DLG3: variants seen among roughly 807,000 people sequenced by gnomAD.
The protein encoded by DLG3 is disks large homolog 3.
DLG3 carries 1 observed loss-of-function variant against 64.1 expected under a neutral mutation model. The observed-to-expected ratio is 0.02, with a 90% CI of 0.01 to 0.07. The LOEUF (loss-of-function observed/expected upper bound fraction) is 0.07. Ranked by LOEUF, DLG3 falls within the 10% of genes least tolerant of loss-of-function variation. The probability of loss-of-function intolerance (pLI) is 1.00; values close to 1 mark genes in which losing one functional copy is unlikely to be tolerated. For synonymous variants in DLG3, 245 were observed against 259.8 expected, an observed-to-expected ratio of 0.94 and a Z score of 0.55; for missense variants, 429 against 669.5, an observed-to-expected ratio of 0.64 and a Z score of 3.96.
intron 9 of DLG3, among the ~76,000 whole-genome samples, chrX:70,471,878 G>T (rs1310973806): frequency 9.0e-6 from 1 of 111,549 alleles, no homozygotes; most frequent in Non-Finnish European, 1.9e-5. Flanking sequence ...TAGTAGAGCA[G>T]CTTCCCGGTC....
rs770648268 is a variant in DLG3, at chrX:70,473,596, T to C, written c.1406-5554T>C. The stretch of plus-strand genomic sequence containing the variant: ...GTAGACATTCAGTAATTTTTTTTTA[T>C]TTTTTTTTATTTTTAGAGACAGCAT... On this transcript the variant is annotated intron_variant, in intron 9 of 18. Transcript: ENST00000374360. Among the ~76,000 whole-genome samples the C allele has an allele frequency of 4.5e-5, 5 of 110,130 alleles. No homozygotes were observed. In the Admixed American group the frequency reaches 4.9e-4, roughly 11 times the overall value.
chrX:70,471,229 GAGCACT>G (rs1388619797), intron 9 of DLG3, among the ~76,000 whole-genome samples: 8 of 111,326 alleles, frequency 7.2e-5, no homozygotes, highest in Non-Finnish European at 9.4e-5. Flanking sequence ...CACTAATTCT[GAGCACT>G]AGATTTTAAA....
chrX:70,494,729 C>T lies in DLG3; in HGVS notation c.1774-679C>T, dbSNP rs1402308826. On this transcript the variant is annotated intron_variant, in intron 12 of 18. Transcript: ENST00000374360. ...TTGCTCAGTGGTCCCGCCTGGTGGG[C>T]GAGGGGGTATCTACTGGATGACAGA... 2.7e-5 allele frequency among the ~76,000 whole-genome samples: 3 copies of T among 112,079 alleles called. No homozygotes were observed. The South Asian group carries it at 1.1e-3, about 42-fold the overall frequency.
rs1244551224 is a variant in DLG3 at position 70,452,536 on chromosome X, G to C, written c.1145+510G>C. On this transcript the variant is annotated intron_variant, in intron 7 of 18. Coordinates refer to ENST00000374360, the MANE Select transcript of DLG3 (RefSeq NM_021120.4). ...GGGCCGGCTGGGGTTCCGGGGGACA[G>C]GTTTGCAGGGTGGGGCCCGAGAGGC... The C allele has an allele frequency of 8.6e-6, 10 of 1,160,800 alleles. No homozygotes were observed. In the South Asian group the frequency reaches 1.4e-4, roughly 16 times the overall value.
At chrX:70,460,455 G>C (rs1274957782) in intron 9 of DLG3, among the ~76,000 whole-genome samples, 1 of 112,006 alleles carries the variant, frequency 8.9e-6, no homozygotes, top group Non-Finnish European at 1.9e-5. Context: ...TGATACTGTT[G>C]GGGGAACCCC....
chrX:70,474,735 GACA>G (rs1471573685), intron 9 of DLG3, among the ~76,000 whole-genome samples: 1 of 111,711 alleles, frequency 9.0e-6, no homozygotes, highest in Non-Finnish European at 1.9e-5. Context: ...TTATAATGCA[GACA>G]ACATTTTAGC....
intron 9 of DLG3, among the ~76,000 whole-genome samples, chrX:70,461,787 T>C (rs944996546): frequency 3.2e-4 from 36 of 111,408 alleles, no homozygotes; most frequent in Non-Finnish European, 4.7e-4. Flanking sequence ...CTTGAACTCC[T>C]GACCTCAGGT....
chrX:70,490,504 A>AG (rs1342317928), intron 10 of DLG3, among the ~76,000 whole-genome samples: 2 of 111,851 alleles, frequency 1.8e-5, no homozygotes, highest in African/African-American at 6.5e-5. Context: ...GTGTAAATTG[A>AG]GGGGAAAAAA....
chrX:70,466,247 TTGTGTGTGTGTGTG>T lies in DLG3; in HGVS notation c.1405+11966_1405+11979del, dbSNP rs61083333. ...TTGTGTGCAAGTGTTTCTTGGTCATTTGTGTGTGTGTGTGTGTGTGTGTGTGTGTGTGTGTGTGT... is the reference window on the plus strand; with the variant it reads ...TTGTGTGCAAGTGTTTCTTGGTCATTTGTGTGTGTGTGTGTGTGTGTGTGT... On this transcript the variant is annotated intron_variant, in intron 9 of 18. Transcript: ENST00000374360. 3.4e-3 allele frequency among the ~76,000 whole-genome samples: 287 copies of T among 84,409 alleles called. 1 individual carries two copies. The highest frequency in any genetic ancestry group is 5.2e-3 in the Non-Finnish European group (226 of 43,410). The allele number at this position is 84,409 out of a possible 115,157, so 73.3% of individuals were successfully genotyped here. A position where few individuals can be genotyped will look rare whatever the true frequency, so the allele number is the denominator to read the frequency against.
intron 11 of DLG3, 117 bp downstream of exon 11, chrX:70,492,400 G>A: frequency 9.0e-7 from 1 of 1,113,620 alleles, no homozygotes; most frequent in Non-Finnish European, 1.2e-6. Flanking sequence ...CTTTTTGGTA[G>A]AGTCGGTACT....
intron 1 of DLG3, among the ~76,000 whole-genome samples, chrX:70,446,799 A>C (rs1311857177): frequency 8.9e-6 from 1 of 112,203 alleles, no homozygotes; most frequent in East Asian, 2.8e-4. Context: ...TAGGGTGGGG[A>C]GAGAGGAAGA....
chrX:70,475,978 C>G (rs1036117546), intron 9 of DLG3, among the ~76,000 whole-genome samples: 2 of 112,019 alleles, frequency 1.8e-5, no homozygotes, highest in African/African-American at 3.2e-5. Context: ...CAAACTTTAT[C>G]AGAATCACAC....
At position 70,502,288 on chromosome X, in the gene DLG3, T is replaced by C. The variant is rs1569298863; in HGVS notation, c.*19T>C. The C allele has an allele frequency of 6.4e-6, 7 of 1,101,990 alleles. No individual in the cohort carries two copies. The highest frequency in any genetic ancestry group is 7.5e-6 in the Non-Finnish European group (6 of 800,011). The allele number at this position is 1,101,990 out of a possible 1,213,427, so 90.8% of individuals were successfully genotyped here. On this transcript the variant is annotated 3_prime_UTR_variant, in exon 19 of 19. Coordinates refer to ENST00000374360, the MANE Select transcript of DLG3 (RefSeq NM_021120.4). ...ACTCTGAAGAATCCCCTCCAACCATTCTCTTGTGAACAGAAGAAATCAAGT... is the reference window on the plus strand; with the variant it reads ...ACTCTGAAGAATCCCCTCCAACCATCCTCTTGTGAACAGAAGAAATCAAGT...
chrX:70,456,508 A>G (rs1160897632), intron 9 of DLG3, among the ~76,000 whole-genome samples: 1 of 112,182 alleles, frequency 8.9e-6, no homozygotes, highest in Non-Finnish European at 1.9e-5. Context: ...CTTGCATAAA[A>G]AGCTGCAGGT....
In DLG3 at chrX:70,492,638, G is replaced by C. The variant is rs745921857; in HGVS notation, c.1773+42G>C. On this transcript the variant is annotated intron_variant, in intron 12 of 18. Coordinates refer to ENST00000374360, the MANE Select transcript of DLG3 (RefSeq NM_021120.4). ...AAGGAAATCAGCCAGTAGGTAAAGA[G>C]GGTTGAGAAGCCTGGAGTTTAGTCT... The C allele has an allele frequency of 6.2e-6, 7 of 1,124,173 alleles. No individual in the cohort carries two copies. The South Asian group carries it at 1.3e-4, about 21-fold the overall frequency. The allele number at this position is 1,124,173 out of a possible 1,213,427, so 92.6% of individuals were successfully genotyped here. A position where few individuals can be genotyped will look rare whatever the true frequency, so the allele number is the denominator to read the frequency against.
chrX:70,486,714 A>G (rs1471548236), intron 10 of DLG3, among the ~76,000 whole-genome samples: 1 of 90,641 alleles, frequency 1.1e-5, no homozygotes, highest in Non-Finnish European at 2.1e-5. Context: ...GTTGGTTGCT[A>G]TGTCATGTGG....
chrX:70,453,413 C>T (rs2086648377), intron 7 of DLG3: 1 of 432,531 alleles, frequency 2.3e-6, no homozygotes, highest in African/African-American at 2.5e-5. Flanking sequence ...GGGAAGTTGA[C>T]TGCAAGCCCT....
chrX:70,450,778 C>T lies in DLG3; in HGVS notation c.980C>T (p.Ala327Val). ...GACATGTACGCTCCCCCTGACTACG[C>T]CAGCAGTACGTACTCATCAGCCCCT... ...LNDMYAPPDY[A>V]STFTALADNH... Residue 327 changes from alanine to valine, a missense_variant, in exon 6 of 19, where the codon GCC becomes GTC. By Grantham distance (64) the Ala-to-Val change is moderately conservative (BLOSUM62 0). This residue lies in a region of DLG3 where 54 missense variants were observed against 54.4 expected (regional missense o/e 0.99). Coordinates refer to ENST00000374360, the MANE Select transcript of DLG3 (RefSeq NM_021120.4). 2 of 1,211,785 alleles carry T rather than the reference C, an allele frequency of 1.7e-6. No homozygotes were observed. Among genetic ancestry groups the T allele is most frequent in the Non-Finnish European group, 2.2e-6 (2 of 895,521 alleles).
intron 12 of DLG3, chrX:70,493,250 TGA>T: frequency 3.6e-6 from 2 of 556,004 alleles, no homozygotes; most frequent in Non-Finnish European, 6.1e-6. Flanking sequence ...ACTCCATTTG[TGA>T]GAGATGGTCT....
Sources: gnomAD v4.1 joint callset for allele counts (sites outside exome capture counted in the v4.1 genomes callset) on GRCh38, gnomAD v4.1.1 for gene constraint, gnomAD v4.1.1 regional missense constraint, MANE v1.5 for transcripts, NCBI Gene and HGNC (gene_info 2026-07-23, HGNC 2026-07-21) for gene names.